ASCC3: variants seen among roughly 807,000 people sequenced by gnomAD.
The protein encoded by ASCC3 is ASC-1 complex subunit P200.
A neutral mutation model predicts 256.3 loss-of-function variants in ASCC3; 158 were observed. The observed-to-expected ratio is 0.62, with a 90% CI of 0.54 to 0.70. The LOEUF (loss-of-function observed/expected upper bound fraction) is 0.70, where lower values mean the gene tolerates loss of function less well. Among genes scored for constraint, ASCC3 ranks in the 30% least tolerant of loss-of-function variants. ASCC3 has a pLI of 0.00. For synonymous variants in ASCC3, 948 were observed against 883.4 expected (o/e 1.07, Z -1.30); for missense variants, 2,259 against 2,626.0 (o/e 0.86, Z 3.05).
At chr6:100,834,841 C>T (rs1338546907) in intron 4 of ASCC3, among the ~76,000 whole-genome samples, 1 of 151,980 alleles carries the variant, frequency 6.6e-6, no homozygotes, top group African/African-American at 2.4e-5. Context: ...CAAAAGAGAT[C>T]GGGCTGTATT....
At chr6:100,863,349 GCAGT>G in intron 3 of ASCC3, among the ~76,000 whole-genome samples, 1 of 152,138 alleles carries the variant, frequency 6.6e-6, no homozygotes, top group East Asian at 1.9e-4. Flanking sequence ...GGGAAGTGAA[GCAGT>G]CAAAGTCTAG....
intron 34 of ASCC3, among the ~76,000 whole-genome samples, chr6:100,594,205 A>T (rs982273399): frequency 1.7e-4 from 26 of 152,206 alleles, no homozygotes; most frequent in Admixed American, 1.0e-3. Flanking sequence ...ATATTATAAA[A>T]ATGGTCTTTC....
intron 36 of ASCC3, among the ~76,000 whole-genome samples, chr6:100,546,867 C>A (rs1215891182): frequency 2.6e-5 from 4 of 152,010 alleles, no homozygotes; most frequent in Admixed American, 2.0e-4. Context: ...CAATCATATA[C>A]TTAGGTACCT....
rs754811715 is a variant in ASCC3 at position 100,715,396 on chromosome 6, A to T, written c.2151+66T>A. On this transcript the variant is annotated intron_variant, in intron 13 of 41. Coordinates refer to ENST00000369162, the MANE Select transcript of ASCC3 (RefSeq NM_006828.4). The stretch of plus-strand genomic sequence containing the variant: ...CTTCTGAAGAGCGTAAATATTAATA[A>T]TTTTTATCATTAAGCACTCTCTAAA... The T allele has an allele frequency of 5.0e-6, 7 of 1,401,912 alleles. No homozygotes were observed. In the East Asian group the frequency reaches 9.5e-5, roughly 19 times the overall value. 86.8% of individuals were successfully genotyped at this position (1,401,912 alleles called of 1,614,324 possible).
intron 8 of ASCC3, among the ~76,000 whole-genome samples, chr6:100,785,293 A>G (rs1398206246): frequency 6.6e-6 from 1 of 152,212 alleles, no homozygotes; most frequent in East Asian, 1.9e-4. Context: ...ATTACATATG[A>G]AGAAAGCAGT....
rs576042891 is a variant in ASCC3 at position 100,852,988 on chromosome 6, A to AT, written c.242-4282dup. On this transcript the variant is annotated intron_variant, in intron 3 of 41. Transcript: ENST00000369162. ...AGTAAACTATAAGGCACTTCCCAGA[A>AT]TTAAAAAAAAAAAAGTCAAAAGTGA... Among the ~76,000 whole-genome samples the AT allele has an allele frequency of 2.5e-3, 380 of 152,092 alleles. 2 individuals carry two copies. The highest frequency in any genetic ancestry group is 8.7e-3 in the African/African-American group (361 of 41,502).
At chr6:100,777,514 T>C (rs1782247642) in intron 8 of ASCC3, among the ~76,000 whole-genome samples, 1 of 152,156 alleles carries the variant, frequency 6.6e-6, no homozygotes, top group Non-Finnish European at 1.5e-5. Flanking sequence ...AAAAATTGTT[T>C]CAAATGCTCC....
chr6:100,662,599 C>T, intron 14 of ASCC3, 63 bp from the exon 15 acceptor site: 1 of 1,493,444 alleles, frequency 6.7e-7, no homozygotes, highest in South Asian at 1.1e-5. Flanking sequence ...TTTAGCATTT[C>T]TGTTGTATGA....
At chr6:100,645,178 G>A (rs1348506886) in intron 22 of ASCC3, among the ~76,000 whole-genome samples, 1 of 152,024 alleles carries the variant, frequency 6.6e-6, no homozygotes, top group Non-Finnish European at 1.5e-5. Context: ...GATATTGGTA[G>A]GAGACAGTGT....
At chr6:100,512,275 A>G (rs1238989244) in intron 40 of ASCC3, among the ~76,000 whole-genome samples, 1 of 152,190 alleles carries the variant, frequency 6.6e-6, no homozygotes, top group African/African-American at 2.4e-5. Flanking sequence ...TGGTTCCTGT[A>G]TACCAAAGTG....
intron 34 of ASCC3, 51 bp from the exon 35 acceptor site, chr6:100,590,110 A>C: frequency 8.1e-7 from 1 of 1,241,760 alleles, no homozygotes; most frequent in Non-Finnish European, 1.2e-6. Flanking sequence ...TTTTCTACTA[A>C]AACTATCACC....
intron 36 of ASCC3, among the ~76,000 whole-genome samples, chr6:100,568,789 A>AT (rs1001827463): frequency 1.1e-4 from 14 of 127,210 alleles, no homozygotes; most frequent in Middle Eastern, 4.1e-3. Flanking sequence ...TATTATTATT[A>AT]TTTTTTGAGA....
intron 20 of ASCC3, among the ~76,000 whole-genome samples, chr6:100,648,229 T>C (rs1019839020): frequency 5.3e-5 from 8 of 151,816 alleles, no homozygotes; most frequent in Admixed American, 2.0e-4. Context: ...ATAATGAATG[T>C]AGTCTTTTTC....
At chr6:100,587,003 G>C (rs1049389763) in intron 36 of ASCC3, among the ~76,000 whole-genome samples, 17 of 152,108 alleles carry the variant, frequency 1.1e-4, no homozygotes, top group African/African-American at 4.1e-4. Context: ...ATGTATCTTA[G>C]TAAAAGGAAG....
intron 2 of ASCC3, among the ~76,000 whole-genome samples, chr6:100,866,041 C>T (rs1405848714): frequency 6.6e-6 from 1 of 152,096 alleles, no homozygotes; most frequent in African/African-American, 2.4e-5. Flanking sequence ...ACAATCTCAG[C>T]TCACTGAAAC....
chr6:100,552,863 T>C (rs1253500838), intron 36 of ASCC3, among the ~76,000 whole-genome samples: 2 of 152,022 alleles, frequency 1.3e-5, no homozygotes, highest in East Asian at 1.9e-4. Flanking sequence ...TTATTTAGAA[T>C]GAATAGAAAA....
chr6:100,552,794 A>G (rs1277050435), intron 36 of ASCC3, among the ~76,000 whole-genome samples: 1 of 152,000 alleles, frequency 6.6e-6, no homozygotes, highest in African/African-American at 2.4e-5. Context: ...GTGTTTTTTA[A>G]TTAAAACTCA....
Position 100,722,656 on chromosome 6 carries a change from GAATA to G in ASCC3, c.1902+2879_1902+2882del, listed in dbSNP as rs1356952638. The stretch of plus-strand genomic sequence containing the variant: ...ATGTTCATTAACTGAATGAATGAAT[GAATA>G]AAAACATAAATATACTGCACATGTT... On this transcript the variant is annotated intron_variant, in intron 11 of 41. Coordinates refer to ENST00000369162, the MANE Select transcript of ASCC3 (RefSeq NM_006828.4). 4.6e-5 allele frequency among the ~76,000 whole-genome samples: 7 copies of G among 151,684 alleles called. No homozygotes were observed. In the South Asian group the frequency reaches 6.2e-4, roughly 13 times the overall value.
chr6:100,794,627 C>T (rs1291465158), intron 8 of ASCC3, among the ~76,000 whole-genome samples: 1 of 152,084 alleles, frequency 6.6e-6, no homozygotes, highest in Non-Finnish European at 1.5e-5. Flanking sequence ...TTTCCCAGAA[C>T]TTAGCCGAAT....
Sources: gnomAD v4.1 joint callset for allele counts (sites outside exome capture counted in the v4.1 genomes callset) on GRCh38, gnomAD v4.1.1 for gene constraint, MANE v1.5 for transcripts, NCBI Gene and HGNC (gene_info 2026-07-23, HGNC 2026-07-21) for gene names.